SCML4: variants seen among roughly 807,000 people sequenced by gnomAD.
SCML4 encodes Scm polycomb group protein like 4.
In SCML4, 34 loss-of-function variants were observed where a neutral mutation model predicts 41.1. That is an observed-to-expected ratio of 0.83 (90% CI 0.63 to 1.10). SCML4 has a LOEUF of 1.10. SCML4 is among the 50% of genes least tolerant of loss of function. The pLI is 0.00. For synonymous variants in SCML4, 214 were observed against 220.9 expected (o/e 0.97, Z 0.28); for missense variants, 522 against 534.1 (o/e 0.98, Z 0.22).
Position 107,772,305 on chromosome 6 carries a change from C to A in SCML4, c.23G>T (p.Gly8Val). Reference protein sequence around the residue: MQSQRIPGRKRGRPSLHS... With the variant: MQSQRIPVRKRGRPSLHS... Reference sequence around the variant, plus strand: ...AAGTGAGGGTCGGCCTCGCTTTCTCCCCGGGATCCTTTGAGACTGCATTTC... The same window carrying A: ...AAGTGAGGGTCGGCCTCGCTTTCTCACCGGGATCCTTTGAGACTGCATTTC... Residue 8 changes from glycine to valine, a missense_variant, in exon 2 of 8, where the codon GGG becomes GTG. Gly to Val is a moderately radical substitution (Grantham distance 109, BLOSUM62 -3). Transcript: ENST00000369020. 1 of 1,551,184 alleles carries A rather than the reference C, an allele frequency of 6.4e-7. No individual in the cohort carries two copies. The highest frequency in any genetic ancestry group is 8.7e-7 in the Non-Finnish European group (1 of 1,146,800).
rs35621962 is a variant in SCML4 at position 107,817,620 on chromosome 6, C to CAAAAAAAAA, written c.-60+6497_-60+6505dup. On this transcript the variant is annotated intron_variant, in intron 1 of 7. Coordinates refer to ENST00000369020, the MANE Select transcript of SCML4 (RefSeq NM_198081.5). ...TGGGCAACAGAGGAAGACTTCATCT[C>CAAAAAAAAA]AAAAAAAAAAAAAAAGAAAAAAAAA... Among the ~76,000 whole-genome samples the CAAAAAAAAA allele has an allele frequency of 9.7e-3, 447 of 45,956 alleles. 46 individuals carry two copies. Among genetic ancestry groups the CAAAAAAAAA allele is most frequent in the African/African-American group, 0.06 (433 of 7,168 alleles). The allele number at this position is 45,956 out of a possible 152,430, so 30.1% of individuals were successfully genotyped here.
chr6:107,705,265 G>A lies in SCML4; in HGVS notation c.1180C>T (p.Leu394=). 3 of 1,551,446 alleles carry A rather than the reference G, an allele frequency of 1.9e-6. No individual in the cohort carries two copies. The highest frequency in any genetic ancestry group is 2.6e-6 in the Non-Finnish European group (3 of 1,146,598). Residue 394 remains leucine, a synonymous_variant, in exon 8 of 8, where the codon CTG becomes TTG. Transcript: ENST00000369020. The stretch of plus-strand genomic sequence containing the variant: ...AGTTTCAGTGCAGGTCCCAGCTTCA[G>A]GCCCAGGTACTTCATGACCATGTCA... ...KSDMVMKYLG[L]KLGPALKLCY...
chr6:107,759,885 T>C (rs760367644), intron 2 of SCML4, among the ~76,000 whole-genome samples: 1 of 152,152 alleles, frequency 6.6e-6, no homozygotes, highest in Non-Finnish European at 1.5e-5. Flanking sequence ...GCCACTGCAC[T>C]GCAGGGCAGT....
chr6:107,728,869 G>C (rs1776254684), intron 5 of SCML4, among the ~76,000 whole-genome samples: 1 of 152,192 alleles, frequency 6.6e-6, no homozygotes. Flanking sequence ...GTGGCCGCGA[G>C]TGAACAGCAC....
At chr6:107,747,111 G>A (rs1361286570) in intron 3 of SCML4, among the ~76,000 whole-genome samples, 1 of 152,188 alleles carries the variant, frequency 6.6e-6, no homozygotes, top group African/African-American at 2.4e-5. Flanking sequence ...GGGCTTTCTT[G>A]GTTGGAAACA....
intron 2 of SCML4, among the ~76,000 whole-genome samples, chr6:107,766,947 C>T (rs968146084): frequency 2.7e-4 from 33 of 120,684 alleles, no homozygotes; most frequent in African/African-American, 1.5e-3. Flanking sequence ...TACTATTAAG[C>T]TATTTTTTTT....
At chr6:107,786,116 C>A (rs144668143) in intron 1 of SCML4, among the ~76,000 whole-genome samples, 1 of 152,300 alleles carries the variant, frequency 6.6e-6, no homozygotes, top group East Asian at 1.9e-4. Flanking sequence ...CTAAGAAAGT[C>A]TTCTGGAATA....
At chr6:107,736,134 G>T (rs1387704963) in intron 5 of SCML4, among the ~76,000 whole-genome samples, 2 of 152,188 alleles carry the variant, frequency 1.3e-5, no homozygotes, top group Non-Finnish European at 2.9e-5. Context: ...CCCCGATGTA[G>T]CCAGAACACA....
At chr6:107,832,705 T>A in the SCML4 span, among the ~76,000 whole-genome samples, 1 of 152,074 alleles carries the variant, frequency 6.6e-6, no homozygotes, top group Non-Finnish European at 1.5e-5. Context: ...GGAAGAGGAA[T>A]TGGTGCTAAA....
At chr6:107,751,569 ACAATCTTTCTTT>A (rs1778623677) in intron 2 of SCML4, among the ~76,000 whole-genome samples, 1 of 135,256 alleles carries the variant, frequency 7.4e-6, no homozygotes, top group Non-Finnish European at 1.6e-5. Flanking sequence ...TAACATTTTA[ACAATCTTTCTTT>A]CTTTCTTTCT....
intron 6 of SCML4, among the ~76,000 whole-genome samples, chr6:107,717,089 G>T (rs1309401373): frequency 1.4e-5 from 2 of 143,332 alleles, no homozygotes; most frequent in East Asian, 4.1e-4. Flanking sequence ...CACGAGGTCA[G>T]GAGATCGAGA....
In SCML4 at chr6:107,703,988, A is replaced by G. The variant is rs1773380814; in HGVS notation, c.*1212T>C. The G allele has an allele frequency of 6.6e-6, 1 of 152,240 alleles. No homozygotes were observed. Among genetic ancestry groups the G allele is most frequent in the African/African-American group, 2.4e-5 (1 of 41,470 alleles). The allele number at this position is 152,240 out of a possible 1,614,324, so 9.4% of individuals were successfully genotyped here. A position where few individuals can be genotyped will look rare whatever the true frequency, so the allele number is the denominator to read the frequency against. On this transcript the variant is annotated 3_prime_UTR_variant, in exon 8 of 8. Coordinates refer to ENST00000369020, the MANE Select transcript of SCML4 (RefSeq NM_198081.5). The stretch of plus-strand genomic sequence containing the variant: ...TGGAGAAGTTGTGCCTCTGCCTAAT[A>G]AATTGTGGATTCATTGTCCGTCTCT...
intron 3 of SCML4, among the ~76,000 whole-genome samples, chr6:107,747,530 A>G: frequency 6.6e-6 from 1 of 151,610 alleles, no homozygotes; most frequent in East Asian, 1.9e-4. Flanking sequence ...GGTTATATAC[A>G]TTCTTAACTG....
chr6:107,796,194 G>T (rs35203242), intron 1 of SCML4, among the ~76,000 whole-genome samples: 1 of 152,008 alleles, frequency 6.6e-6, no homozygotes, highest in East Asian at 1.9e-4. Context: ...AATTACCTGG[G>T]AGTGGAATTG....
the SCML4 span, among the ~76,000 whole-genome samples, chr6:107,840,631 A>G: frequency 6.6e-6 from 1 of 152,238 alleles, no homozygotes; most frequent in Non-Finnish European, 1.5e-5. Flanking sequence ...TAAAATATGT[A>G]TATGTTACAT....
Position 107,749,201 on chromosome 6 carries a change from G to A in SCML4, c.286+483C>T, listed in dbSNP as rs1778398290. 2.0e-5 allele frequency among the ~76,000 whole-genome samples: 3 copies of A among 152,150 alleles called. No homozygotes were observed. The South Asian group carries it at 6.2e-4, about 32-fold the overall frequency. On this transcript the variant is annotated intron_variant, in intron 3 of 7. Transcript: ENST00000369020. ...CATTACTATTATGATGAAACTGTCA[G>A]TTGGTGGATGCCCCACCATAGACAG... is the stretch of plus-strand genomic sequence containing the variant.
intron 1 of SCML4, among the ~76,000 whole-genome samples, chr6:107,798,531 T>C (rs1782875610): frequency 1.3e-5 from 2 of 152,048 alleles, no homozygotes; most frequent in South Asian, 2.1e-4. Context: ...CAATCTTATT[T>C]ATTGATCTGT....
At chr6:107,822,525 G>A (rs1785026213) in intron 1 of SCML4, among the ~76,000 whole-genome samples, 2 of 86,290 alleles carry the variant, frequency 2.3e-5, no homozygotes. Context: ...TTTTTTTGCA[G>A]CAAAATAAAA....
At chr6:107,785,415 G>A (rs556635193) in intron 1 of SCML4, among the ~76,000 whole-genome samples, 16 of 152,352 alleles carry the variant, frequency 1.1e-4, no homozygotes, top group African/African-American at 2.6e-4. Flanking sequence ...GCCTGCAGCT[G>A]TGCCCTTAGA....
Sources: gnomAD v4.1 joint callset for allele counts (sites outside exome capture counted in the v4.1 genomes callset) on GRCh38, gnomAD v4.1.1 for gene constraint, MANE v1.5 for transcripts, NCBI Gene and HGNC (gene_info 2026-07-23, HGNC 2026-07-21) for gene names.